NFIB: variants seen among roughly 807,000 people sequenced by gnomAD.
NFIB encodes the protein nuclear factor 1 B-type.
NFIB carries 11 observed loss-of-function variants against 61.5 expected under a neutral mutation model. The observed-to-expected ratio is 0.18, with a 90% CI of 0.11 to 0.30. The LOEUF (loss-of-function observed/expected upper bound fraction) is 0.30, where lower values mean the gene tolerates loss of function less well. Ranked by LOEUF, NFIB falls within the 10% of genes least tolerant of loss-of-function variation. The probability of loss-of-function intolerance (pLI) is 1.00; values close to 1 mark genes in which losing one functional copy is unlikely to be tolerated. For missense variants in NFIB, 471 were observed against 608.9 expected, an observed-to-expected ratio of 0.77 and a Z score of 2.38; for synonymous variants, 260 against 216.5, an observed-to-expected ratio of 1.20 and a Z score of -1.76.
chr9:14,413,335 G>T, the NFIB span, among the ~76,000 whole-genome samples: 1 of 152,090 alleles, frequency 6.6e-6, no homozygotes, highest in South Asian at 2.1e-4. Flanking sequence ...AGGAGTGGGG[G>T]GAAGCATGCA....
chr9:14,181,525 C>T (rs1226306767), intron 2 of NFIB, among the ~76,000 whole-genome samples: 1 of 152,148 alleles, frequency 6.6e-6, no homozygotes, highest in East Asian at 1.9e-4. Context: ...CTTCGTTCTA[C>T]ATTCCTTTAA....
the NFIB span, among the ~76,000 whole-genome samples, chr9:14,433,230 C>A: frequency 2.6e-5 from 4 of 152,116 alleles, no homozygotes; most frequent in Admixed American, 6.5e-5. Flanking sequence ...GACATTTAAC[C>A]ACTTACAATA....
Position 14,232,419 on chromosome 9 carries a change from C to A in NFIB, c.563-52639G>T, listed in dbSNP as rs137933835. On this transcript the variant is annotated intron_variant, in intron 2 of 10. Transcript: ENST00000380953. Reference sequence around the variant, plus strand: ...CAAAACGCACCAAATGCACAGTGGTCCTGGATTCTTCTAAATCATTTGCCA... The same window carrying A: ...CAAAACGCACCAAATGCACAGTGGTACTGGATTCTTCTAAATCATTTGCCA... Among the ~76,000 whole-genome samples, 12 of 152,276 alleles carry A rather than the reference C, an allele frequency of 7.9e-5. No homozygotes were observed. The East Asian group carries it at 2.1e-3, about 27-fold the overall frequency.
At chr9:14,419,938 T>G in the NFIB span, among the ~76,000 whole-genome samples, 2,622 of 152,284 alleles carry the variant, frequency 0.017, 77 homozygotes, top group African/African-American at 0.059. Context: ...ATTCTTGTTT[T>G]GTAGAGTAAA....
chr9:14,214,914 T>C (rs1348266167), intron 2 of NFIB, among the ~76,000 whole-genome samples: 3 of 152,238 alleles, frequency 2.0e-5, no homozygotes, highest in Non-Finnish European at 2.9e-5. Flanking sequence ...ATAAAGTACG[T>C]GTATACACAT....
intron 1 of NFIB, among the ~76,000 whole-genome samples, chr9:14,311,950 A>G (rs1026803278): frequency 1.4e-4 from 22 of 152,242 alleles, no homozygotes; most frequent in African/African-American, 5.1e-4. Context: ...TTTTACAAGT[A>G]AAGGCAATTC....
chr9:14,359,201 A>G (rs760538660), intron 1 of NFIB, among the ~76,000 whole-genome samples: 7 of 152,192 alleles, frequency 4.6e-5, no homozygotes, highest in Non-Finnish European at 8.8e-5. Context: ...CTAAAAAGAT[A>G]TGTCCAAATC....
intron 1 of NFIB, among the ~76,000 whole-genome samples, chr9:14,333,068 A>T (rs1185798662): frequency 6.6e-6 from 1 of 152,210 alleles, no homozygotes; most frequent in East Asian, 1.9e-4. Flanking sequence ...ACGCTATTGT[A>T]GAGCTTTGGC....
chr9:14,420,445 C>CAAAAAAAAAAAAAAAAAAAAAAA, the NFIB span, among the ~76,000 whole-genome samples: 30 of 42,422 alleles, frequency 7.1e-4, 1 homozygote, highest in African/African-American at 1.2e-3. Context: ...GACTCCGTCT[C>CAAAAAAAAAAAAAAAAAAAAAAA]AAAAAAAAAA....
In NFIB at chr9:14,148,742, A is replaced by C. The variant is rs937193483; in HGVS notation, c.806+1403T>G. The stretch of plus-strand genomic sequence containing the variant: ...TTGAATCATGTATATGCCTGAGTAC[A>C]TTTGTAGATACTCATGATTAATATT... On this transcript the variant is annotated intron_variant, in intron 5 of 10. Transcript: ENST00000380953. 2.0e-5 allele frequency among the ~76,000 whole-genome samples: 3 copies of C among 152,166 alleles called. No individual in the cohort carries two copies. In the East Asian group the frequency reaches 5.8e-4, roughly 29 times the overall value.
chr9:14,107,019 G>C (rs1217519751), intron 10 of NFIB, among the ~76,000 whole-genome samples: 3 of 151,814 alleles, frequency 2.0e-5, no homozygotes, highest in African/African-American at 7.3e-5. Context: ...AGAACATCTT[G>C]AAAGGTATGT....
intron 2 of NFIB, among the ~76,000 whole-genome samples, chr9:14,242,232 T>C (rs1326085114): frequency 3.3e-5 from 5 of 152,212 alleles, no homozygotes; most frequent in Non-Finnish European, 1.5e-5. Context: ...AATTTATGTG[T>C]TTTTTCCCAC....
intron 9 of NFIB, among the ~76,000 whole-genome samples, chr9:14,115,668 C>G (rs765754077): frequency 4.6e-5 from 7 of 152,088 alleles, no homozygotes; most frequent in African/African-American, 1.7e-4. Flanking sequence ...TTACATGTGC[C>G]TAATACTAAG....
chr9:14,182,726 G>C (rs866208706), intron 2 of NFIB, among the ~76,000 whole-genome samples: 305 of 148,576 alleles, frequency 2.1e-3, no homozygotes, highest in African/African-American at 5.6e-3. Flanking sequence ...GTGTGTGTGT[G>C]TGTGTGTGTG....
chr9:14,495,215 C>T, the NFIB span, among the ~76,000 whole-genome samples: 2 of 152,130 alleles, frequency 1.3e-5, no homozygotes, highest in Admixed American at 1.3e-4. Context: ...GTCACCCTCA[C>T]ACGTAGACCT....
the NFIB span, among the ~76,000 whole-genome samples, chr9:14,440,169 G>C: frequency 6.6e-6 from 1 of 152,174 alleles, no homozygotes; most frequent in Non-Finnish European, 1.5e-5. Context: ...GTGAGCTGGG[G>C]TGGGGCTGGG....
the NFIB span, among the ~76,000 whole-genome samples, chr9:14,465,572 TACACAC>T: frequency 0.023 from 3,339 of 146,240 alleles, 54 homozygotes; most frequent in Middle Eastern, 0.052. Flanking sequence ...AATGACTTGT[TACACAC>T]ACACACACAC....
intron 2 of NFIB, among the ~76,000 whole-genome samples, chr9:14,195,711 C>T (rs2048393027): frequency 6.6e-6 from 1 of 152,190 alleles, no homozygotes; most frequent in South Asian, 2.1e-4. Context: ...AAAGCTATCA[C>T]TGTGTTTTCA....
the NFIB span, among the ~76,000 whole-genome samples, chr9:14,414,431 C>CAAAAA: frequency 3.5e-5 from 2 of 56,616 alleles, no homozygotes; most frequent in African/African-American, 5.4e-5. Flanking sequence ...GAGACTGTCT[C>CAAAAA]AAAAAAAAAA....
Sources: gnomAD v4.1 joint callset for allele counts (sites outside exome capture counted in the v4.1 genomes callset) on GRCh38, gnomAD v4.1.1 for gene constraint, MANE v1.5 for transcripts, NCBI Gene and HGNC (gene_info 2026-07-23, HGNC 2026-07-21) for gene names.